ADAMTS6: variants seen among roughly 807,000 people sequenced by gnomAD.
The protein encoded by ADAMTS6 is ADAM metallopeptidase with thrombospondin type 1 motif 6, also known as A disintegrin and metalloproteinase with thrombospondin motifs 6.
In ADAMTS6, 23 loss-of-function variants were observed where a neutral mutation model predicts 144.3. The ratio of observed to expected loss-of-function variants is 0.16; its 90% CI spans 0.11 to 0.23. The LOEUF is 0.23. Ranked by LOEUF, ADAMTS6 falls within the 10% of genes least tolerant of loss-of-function variation. The probability of loss-of-function intolerance (pLI) is 1.00; values close to 1 mark genes in which losing one functional copy is unlikely to be tolerated. For synonymous variants in ADAMTS6, 444 were observed against 457.5 expected (o/e 0.97, Z 0.38); for missense variants, 999 against 1,379.6 (o/e 0.72, Z 4.37).
chr5:65,225,077 C>G, intron 16 of ADAMTS6, 30 bp from the exon 17 acceptor site: 1 of 1,595,038 alleles, frequency 6.3e-7, no homozygotes, highest in Non-Finnish European at 8.5e-7. Context: ...TTCAGTGTGT[C>G]AAGAGAGAAA....
chr5:65,388,998 G>A (rs1395001299), intron 7 of ADAMTS6, among the ~76,000 whole-genome samples: 3 of 152,150 alleles, frequency 2.0e-5, no homozygotes, highest in Non-Finnish European at 4.4e-5. Flanking sequence ...ACGAGGTCAG[G>A]AGATCGAGAC....
chr5:65,206,373 T>C (rs1043906175), intron 20 of ADAMTS6, among the ~76,000 whole-genome samples: 4 of 152,096 alleles, frequency 2.6e-5, no homozygotes, highest in Admixed American at 6.6e-5. Flanking sequence ...AAATTCAAAA[T>C]AGTAGTTGGA....
At chr5:65,451,445 C>A (rs754849599) in intron 7 of ADAMTS6, 30 bp downstream of exon 7, 13 of 1,611,802 alleles carry the variant, frequency 8.1e-6, no homozygotes, top group Non-Finnish European at 1.1e-5. Flanking sequence ...ACACAACAAT[C>A]AATGGAAAAA....
At chr5:65,379,113 A>C (rs866318941) in intron 7 of ADAMTS6, among the ~76,000 whole-genome samples, 2 of 152,228 alleles carry the variant, frequency 1.3e-5, no homozygotes, top group South Asian at 4.1e-4. Flanking sequence ...AACCACTTTA[A>C]AAAATTGTTT....
chr5:65,275,361 AAGAAAGAAAG>A (rs1345047569), intron 11 of ADAMTS6, among the ~76,000 whole-genome samples: 2 of 42,148 alleles, frequency 4.7e-5, no homozygotes, highest in African/African-American at 1.8e-4. Context: ...AAGAGAAAGA[AAGAAAGAAAG>A]AAAGAAAGAA....
At chr5:65,334,682 C>T (rs1747138274) in intron 7 of ADAMTS6, among the ~76,000 whole-genome samples, 1 of 152,094 alleles carries the variant, frequency 6.6e-6, no homozygotes, top group Non-Finnish European at 1.5e-5. Context: ...TTACAACAGG[C>T]TAAATGAATC....
At chr5:65,384,588 A>C (rs151014929) in intron 7 of ADAMTS6, among the ~76,000 whole-genome samples, 38 of 152,280 alleles carry the variant, frequency 2.5e-4, no homozygotes, top group African/African-American at 9.1e-4. Context: ...ATTTGTACCA[A>C]TATTCTGCTC....
At chr5:65,398,781 C>CAAGA (rs199684759) in intron 7 of ADAMTS6, among the ~76,000 whole-genome samples, 160 of 106,974 alleles carry the variant, frequency 1.5e-3, no homozygotes, top group Middle Eastern at 4.0e-3. Flanking sequence ...GAAGAGAGAG[C>CAAGA]AAGAAAGAAA....
intron 11 of ADAMTS6, among the ~76,000 whole-genome samples, chr5:65,286,963 AG>A (rs2112733369): frequency 6.6e-6 from 1 of 152,372 alleles, no homozygotes; most frequent in African/African-American, 2.4e-5. Context: ...AGAGTTTTAC[AG>A]GAAAGAGCTT....
At chr5:65,471,420 A>T (rs1032168056) in intron 2 of ADAMTS6, among the ~76,000 whole-genome samples, 42 of 152,300 alleles carry the variant, frequency 2.8e-4, no homozygotes, top group African/African-American at 9.6e-4. Flanking sequence ...AAATTCTACA[A>T]GAAATATTAA....
At chr5:65,176,534 T>C (rs1228831921) in intron 22 of ADAMTS6, among the ~76,000 whole-genome samples, 2 of 152,344 alleles carry the variant, frequency 1.3e-5, no homozygotes, top group East Asian at 3.9e-4. Context: ...TGTAAACATA[T>C]TGGCTAAAGT....
chr5:65,404,296 T>C (rs1754220187), intron 7 of ADAMTS6, among the ~76,000 whole-genome samples: 1 of 152,130 alleles, frequency 6.6e-6, no homozygotes, highest in Admixed American at 6.6e-5. Context: ...CCCTGCTCCC[T>C]GCCCCTACCC....
intron 12 of ADAMTS6, among the ~76,000 whole-genome samples, chr5:65,263,596 T>G (rs1037078118): frequency 6.6e-6 from 1 of 152,158 alleles, no homozygotes; most frequent in African/African-American, 2.4e-5. Context: ...ACATATGTAC[T>G]GGAATTCTGC....
intron 15 of ADAMTS6, among the ~76,000 whole-genome samples, chr5:65,239,938 C>T (rs564894312): frequency 6.6e-6 from 1 of 152,154 alleles, no homozygotes; most frequent in Admixed American, 6.6e-5. Flanking sequence ...AAACATCTGG[C>T]AGTTTCTTTT....
intron 7 of ADAMTS6, among the ~76,000 whole-genome samples, chr5:65,426,192 A>G (rs1580681080): frequency 6.7e-6 from 1 of 148,220 alleles, no homozygotes; most frequent in Non-Finnish European, 1.5e-5. Flanking sequence ...GATTACAGGC[A>G]CCTGCCACCA....
At chr5:65,320,134 C>T (rs939280044) in intron 9 of ADAMTS6, among the ~76,000 whole-genome samples, 17 of 152,202 alleles carry the variant, frequency 1.1e-4, no homozygotes, top group Middle Eastern at 3.4e-3. Context: ...TAAGCCATCG[C>T]GCCTGGCCAC....
At position 65,466,530 on chromosome 5, in the gene ADAMTS6, AT is replaced by A. The variant is rs1292066192; in HGVS notation, c.462+4247del. 2.6e-5 allele frequency among the ~76,000 whole-genome samples: 4 copies of A among 152,102 alleles called. No homozygotes were observed. The East Asian group carries it at 7.7e-4, about 29-fold the overall frequency. ...AAGCTATATGATAACAGAGATTTTT[AT>A]TTTTCACTACTGTAATCCTAGCACC... is the stretch of plus-strand genomic sequence containing the variant. On this transcript the variant is annotated intron_variant, in intron 3 of 24. Transcript: ENST00000381055.
intron 9 of ADAMTS6, among the ~76,000 whole-genome samples, chr5:65,327,896 C>T (rs1158087267): frequency 2.0e-5 from 3 of 152,136 alleles, no homozygotes; most frequent in African/African-American, 7.2e-5. Flanking sequence ...TTTTCCTAAC[C>T]TTCCAATTTA....
At chr5:65,338,159 C>A (rs892648539) in intron 7 of ADAMTS6, among the ~76,000 whole-genome samples, 4 of 152,154 alleles carry the variant, frequency 2.6e-5, no homozygotes, top group Non-Finnish European at 5.9e-5. Context: ...AAAATAGCAC[C>A]TTATCCCTAT....
Sources: allele counts gnomAD v4.1 joint callset (sites outside exome capture counted in the v4.1 genomes callset), GRCh38; gene constraint gnomAD v4.1.1; transcripts MANE v1.5; gene names NCBI Gene and HGNC (gene_info 2026-07-23, HGNC 2026-07-21).